Variants in IPMK observed in about 807,000 individuals in gnomAD.
The protein encoded by IPMK is inositol polyphosphate multikinase.
Under a neutral mutation model 45.8 loss-of-function variants are expected in IPMK, and 17 were observed. That is an observed-to-expected ratio of 0.37 (90% CI 0.25 to 0.56). IPMK has a LOEUF of 0.56. Among genes scored for constraint, IPMK ranks in the 20% least tolerant of loss-of-function variants. The pLI, the probability that IPMK is intolerant of heterozygous loss-of-function variation, is 0.79. For missense variants in IPMK, 399 were observed against 498.0 expected (o/e 0.80, Z 1.89); for synonymous variants, 180 against 184.3 (o/e 0.98, Z 0.19).
intron 1 of IPMK, among the ~76,000 whole-genome samples, chr10:58,263,392 T>C (rs1188764191): frequency 6.6e-6 from 1 of 151,958 alleles, no homozygotes; most frequent in African/African-American, 2.4e-5. Context: ...GGCATGGTGG[T>C]GCACTCCTGT....
At chr10:58,197,785 C>G (rs937246309) in intron 5 of IPMK, among the ~76,000 whole-genome samples, 2 of 152,172 alleles carry the variant, frequency 1.3e-5, no homozygotes, top group Admixed American at 6.5e-5. Context: ...GTAATCCCAG[C>G]ACTTTCGGAG....
intron 2 of IPMK, among the ~76,000 whole-genome samples, chr10:58,227,634 T>C (rs1389705758): frequency 6.6e-6 from 1 of 152,182 alleles, no homozygotes; most frequent in African/African-American, 2.4e-5. Context: ...CTTTAACACA[T>C]ATTTGTTTTA....
At chr10:58,255,609 C>G (rs772510640) in intron 1 of IPMK, among the ~76,000 whole-genome samples, 2 of 151,986 alleles carry the variant, frequency 1.3e-5, no homozygotes, top group African/African-American at 2.4e-5. Context: ...TTCTATTCTG[C>G]CATCTTGATG....
intron 3 of IPMK, among the ~76,000 whole-genome samples, chr10:58,225,940 C>A (rs1329255909): frequency 6.6e-6 from 1 of 152,000 alleles, no homozygotes; most frequent in Non-Finnish European, 1.5e-5. Flanking sequence ...AAATGTTGAT[C>A]TGAATCATAG....
At chr10:58,199,707 T>C (rs1445580481) in intron 4 of IPMK, among the ~76,000 whole-genome samples, 1 of 152,036 alleles carries the variant, frequency 6.6e-6, no homozygotes, top group Non-Finnish European at 1.5e-5. Context: ...TATTCTGGAG[T>C]TCCTAGTAAA....
Position 58,263,795 on chromosome 10 carries a change from A to G in IPMK, c.190+3627T>C, listed in dbSNP as rs117511342. 1.5e-3 allele frequency among the ~76,000 whole-genome samples: 223 copies of G among 152,338 alleles called. 2 individuals are homozygous for G. Among genetic ancestry groups the G allele is most frequent in the Non-Finnish European group, 2.6e-3 (174 of 68,024 alleles). ...GCTATTGTTGGCCTCCACTTACACAATGTTCCAGCTGGAAAAGTATCATCT... is the reference window on the plus strand; with the variant it reads ...GCTATTGTTGGCCTCCACTTACACAGTGTTCCAGCTGGAAAAGTATCATCT... On this transcript the variant is annotated intron_variant, in intron 1 of 5. Coordinates refer to ENST00000373935, the MANE Select transcript of IPMK (RefSeq NM_152230.5).
intron 4 of IPMK, among the ~76,000 whole-genome samples, chr10:58,201,168 GTATAA>G: frequency 6.6e-6 from 1 of 152,216 alleles, no homozygotes; most frequent in Middle Eastern, 3.4e-3. Flanking sequence ...GAAAAAATAA[GTATAA>G]TATGATATCT....
At chr10:58,241,307 T>C (rs1203858659) in intron 1 of IPMK, among the ~76,000 whole-genome samples, 1 of 152,154 alleles carries the variant, frequency 6.6e-6, no homozygotes, top group Non-Finnish European at 1.5e-5. Context: ...CTCTGCAGCC[T>C]AGCACCAGGG....
At chr10:58,244,052 C>A (rs1405527558) in intron 1 of IPMK, among the ~76,000 whole-genome samples, 1 of 151,544 alleles carries the variant, frequency 6.6e-6, no homozygotes, top group Admixed American at 6.6e-5. Flanking sequence ...GCACCTCTGC[C>A]CGGCCGCTCT....
At chr10:58,242,747 T>C (rs1838715358) in intron 1 of IPMK, among the ~76,000 whole-genome samples, 1 of 152,152 alleles carries the variant, frequency 6.6e-6, no homozygotes, top group South Asian at 2.1e-4. Flanking sequence ...AAACAGTCTA[T>C]GATAACTATC....
At chr10:58,236,474 G>C (rs1838614725) in intron 2 of IPMK, among the ~76,000 whole-genome samples, 1 of 152,054 alleles carries the variant, frequency 6.6e-6, no homozygotes, top group Non-Finnish European at 1.5e-5. Context: ...AGAAATGAAA[G>C]GTGATGATAC....
intron 1 of IPMK, among the ~76,000 whole-genome samples, chr10:58,265,159 G>A (rs1030761666): frequency 6.6e-6 from 1 of 152,094 alleles, no homozygotes; most frequent in African/African-American, 2.4e-5. Context: ...TTGTTACTTA[G>A]CATATATAAC....
At chr10:58,214,530 C>T (rs1420933766) in intron 4 of IPMK, among the ~76,000 whole-genome samples, 2 of 152,090 alleles carry the variant, frequency 1.3e-5, no homozygotes, top group Non-Finnish European at 2.9e-5. Context: ...TTTTTCTATA[C>T]ATTCATATTT....
chr10:58,249,365 T>C (rs1838850147), intron 1 of IPMK, among the ~76,000 whole-genome samples: 1 of 152,136 alleles, frequency 6.6e-6, no homozygotes, highest in African/African-American at 2.4e-5. Context: ...ATTATAAGCA[T>C]AAGCCACCAT....
chr10:58,202,854 G>A (rs1483712195), intron 4 of IPMK, among the ~76,000 whole-genome samples: 1 of 152,146 alleles, frequency 6.6e-6, no homozygotes, highest in African/African-American at 2.4e-5. Flanking sequence ...GATTACTGAT[G>A]ATGTACAAGG....
Position 58,196,546 on chromosome 10 carries a change from ATGAACC to A in IPMK, c.775_780del (p.Gly259_Ser260del). 1 of 1,614,072 alleles carries A rather than the reference ATGAACC, an allele frequency of 6.2e-7. No individual in the cohort carries two copies. Among genetic ancestry groups the A allele is most frequent in the Non-Finnish European group, 8.5e-7 (1 of 1,180,028 alleles). ...TTCAATTTTGTAGTGGTTGGCTGAGATGAACCTTCATAAACAAAGAGTAATGAACTT... is the reference window on the plus strand; with the variant it reads ...TTCAATTTTGTAGTGGTTGGCTGAGATTCATAAACAAAGAGTAATGAACTT... On this transcript the variant is annotated inframe_deletion, in exon 6 of 6. Transcript: ENST00000373935.
chr10:58,259,678 A>AAAAAAAAAAAAAAAAAAAAAAAAAC lies in IPMK; in HGVS notation c.190+7743_190+7744insGTTTTTTTTTTTTTTTTTTTTTTTT, dbSNP rs984861270. On this transcript the variant is annotated intron_variant, in intron 1 of 5. Coordinates refer to ENST00000373935, the MANE Select transcript of IPMK (RefSeq NM_152230.5). The stretch of plus-strand genomic sequence containing the variant: ...TAAAATCCCATCTCTACATAAAAAA[A>AAAAAAAAAAAAAAAAAAAAAAAAAC]AAAAAAAAACAATTAGCCAGGCATG... 1.0e-4 allele frequency among the ~76,000 whole-genome samples: 15 copies of AAAAAAAAAAAAAAAAAAAAAAAAAC among 144,558 alleles called. No homozygotes were observed. The East Asian group carries it at 1.4e-3, about 13-fold the overall frequency. 94.8% of individuals were successfully genotyped at this position (144,558 alleles called of 152,430 possible).
At chr10:58,220,238 G>A (rs1028876531) in intron 3 of IPMK, among the ~76,000 whole-genome samples, 7 of 151,916 alleles carry the variant, frequency 4.6e-5, no homozygotes, top group Non-Finnish European at 1.0e-4. Context: ...AAGAGGAAGG[G>A]TTAAGTAAAT....
chr10:58,252,767 C>A (rs897902791), intron 1 of IPMK, among the ~76,000 whole-genome samples: 1 of 151,856 alleles, frequency 6.6e-6, no homozygotes, highest in African/African-American at 2.4e-5. Flanking sequence ...CACCCACCAC[C>A]CGCCTGGGTA....
Sources: allele counts gnomAD v4.1 joint callset (sites outside exome capture counted in the v4.1 genomes callset), GRCh38; gene constraint gnomAD v4.1.1; transcripts MANE v1.5; gene names NCBI Gene and HGNC (gene_info 2026-07-23, HGNC 2026-07-21).